The following GRM8 variants were observed in gnomAD, a reference collection of about 807,000 sequenced individuals.
GRM8 encodes the protein metabotropic glutamate receptor 8.
GRM8 carries 47 observed loss-of-function variants against 87.2 expected under a neutral mutation model. The observed-to-expected ratio is 0.54, with a 90% CI of 0.43 to 0.69. The LOEUF (loss-of-function observed/expected upper bound fraction) is 0.69. Ranked by LOEUF, GRM8 falls within the 30% of genes least tolerant of loss-of-function variation. The pLI, the probability that GRM8 is intolerant of heterozygous loss-of-function variation, is 0.00. For missense variants in GRM8, 1,019 were observed against 1,139.2 expected, an observed-to-expected ratio of 0.89 and a Z score of 1.52; for synonymous variants, 396 against 404.5, an observed-to-expected ratio of 0.98 and a Z score of 0.25.
intron 7 of GRM8, among the ~76,000 whole-genome samples, chr7:126,656,748 C>A (rs1382012556): frequency 6.7e-6 from 1 of 150,214 alleles, no homozygotes; most frequent in Non-Finnish European, 1.5e-5. Flanking sequence ...AACAGTTGGA[C>A]AGAGAGGGGT....
intron 8 of GRM8, among the ~76,000 whole-genome samples, chr7:126,576,851 C>G (rs566918019): frequency 4.8e-4 from 73 of 152,254 alleles, no homozygotes; most frequent in African/African-American, 1.7e-3. Context: ...AATTATAAAC[C>G]AGACTTACAC....
intron 9 of GRM8, among the ~76,000 whole-genome samples, chr7:126,498,076 T>A (rs536021002): frequency 6.6e-6 from 1 of 152,044 alleles, no homozygotes; most frequent in South Asian, 2.1e-4. Context: ...CTTAAGGAAC[T>A]CAGACACAAG....
intron 3 of GRM8, among the ~76,000 whole-genome samples, chr7:126,925,560 T>C (rs574684583): frequency 5.9e-5 from 9 of 152,336 alleles, no homozygotes; most frequent in African/African-American, 1.7e-4. Context: ...ATATTGTCCA[T>C]ATTCCTATCA....
intron 6 of GRM8, among the ~76,000 whole-genome samples, chr7:126,878,042 C>A (rs1443495697): frequency 6.6e-6 from 1 of 152,070 alleles, no homozygotes; most frequent in Non-Finnish European, 1.5e-5. Context: ...GAGTGATGAG[C>A]CCTGAATTAC....
chr7:126,745,606 C>G (rs1357904644), intron 7 of GRM8, among the ~76,000 whole-genome samples: 1 of 151,244 alleles, frequency 6.6e-6, no homozygotes, highest in Non-Finnish European at 1.5e-5. Context: ...GGTTTTTTTC[C>G]CCCTAATATT....
At chr7:126,911,662 G>A (rs1182084580) in intron 3 of GRM8, among the ~76,000 whole-genome samples, 2 of 152,190 alleles carry the variant, frequency 1.3e-5, no homozygotes, top group African/African-American at 2.4e-5. Context: ...CTGATGCAGG[G>A]CTCAGGGGAA....
intron 9 of GRM8, among the ~76,000 whole-genome samples, chr7:126,460,065 C>A (rs1314525749): frequency 6.6e-6 from 1 of 151,540 alleles, no homozygotes; most frequent in Non-Finnish European, 1.5e-5. Flanking sequence ...AGTGCTAGGA[C>A]TGGAGCCTCC....
At chr7:127,111,363 T>C (rs978306245) in intron 2 of GRM8, among the ~76,000 whole-genome samples, 1 of 152,222 alleles carries the variant, frequency 6.6e-6, no homozygotes, top group African/African-American at 2.4e-5. Flanking sequence ...GCAGAGATTA[T>C]TGTCTTCTAG....
intron 7 of GRM8, among the ~76,000 whole-genome samples, chr7:126,769,338 T>A (rs75233524): frequency 6.6e-6 from 1 of 152,046 alleles, no homozygotes; most frequent in Admixed American, 6.6e-5. Flanking sequence ...CCTGCCTACA[T>A]TGTGTGCATC....
intron 1 of GRM8, among the ~76,000 whole-genome samples, chr7:127,243,848 G>GT (rs5887332): frequency 0.16 from 22,503 of 140,758 alleles, 1,790 homozygotes; most frequent in Admixed American, 0.17. Context: ...TTTCAAATCT[G>GT]TTTTTTTTTT....
chr7:127,224,068 G>A (rs969966720), intron 2 of GRM8, among the ~76,000 whole-genome samples: 2 of 151,980 alleles, frequency 1.3e-5, no homozygotes, highest in African/African-American at 2.4e-5. Context: ...CCTCAGAGAC[G>A]TGTTGAACTA....
chr7:126,688,834 C>A (rs1808464425), intron 7 of GRM8, among the ~76,000 whole-genome samples: 1 of 151,990 alleles, frequency 6.6e-6, no homozygotes, highest in African/African-American at 2.4e-5. Flanking sequence ...TGCTTTCTCT[C>A]AGTTCCCTGG....
chr7:127,068,055 A>G (rs565343046), intron 3 of GRM8, among the ~76,000 whole-genome samples: 3 of 152,288 alleles, frequency 2.0e-5, no homozygotes, highest in South Asian at 4.1e-4. Flanking sequence ...TAAACAATAA[A>G]TAAATAATTT....
At chr7:127,087,229 C>T (rs1190459370) in intron 3 of GRM8, among the ~76,000 whole-genome samples, 3 of 152,316 alleles carry the variant, frequency 2.0e-5, no homozygotes, top group East Asian at 3.9e-4. Context: ...TAGAGCAACA[C>T]CAAGCTGTGG....
At chr7:126,561,878 T>C in intron 8 of GRM8, among the ~76,000 whole-genome samples, 1 of 66,008 alleles carries the variant, frequency 1.5e-5, no homozygotes, top group East Asian at 1.7e-3. Flanking sequence ...CATGCGGTGT[T>C]TGGTTTTTTT....
chr7:126,621,458 CT>C (rs1202819633), intron 7 of GRM8, among the ~76,000 whole-genome samples: 1 of 152,066 alleles, frequency 6.6e-6, no homozygotes, highest in African/African-American at 2.4e-5. Flanking sequence ...TGTCTCTGTC[CT>C]CCAGGCTGGA....
intron 9 of GRM8, among the ~76,000 whole-genome samples, chr7:126,516,778 A>T (rs1812231179): frequency 6.6e-6 from 1 of 152,138 alleles, no homozygotes; most frequent in Non-Finnish European, 1.5e-5. Flanking sequence ...ACTTGTATAT[A>T]TCTTACTTTA....
chr7:127,022,655 A>G (rs1310651394), intron 3 of GRM8, among the ~76,000 whole-genome samples: 2 of 152,148 alleles, frequency 1.3e-5, no homozygotes, highest in African/African-American at 4.8e-5. Context: ...CAGGAAAGAA[A>G]GACATCAGAG....
Position 127,243,067 on chromosome 7 carries a change from A to G in GRM8, c.138T>C (p.Ile46=). ...YAHSIRVDGD[I]ILGGLFPVHA... is the part of the protein sequence containing the mutation. ...GGACAGGGAAGAGACCCCCCAAAAT[A>G]ATGTCCCCATCCACCCGTATGGAAT... The change falls in exon 2 of 11, where the codon ATT becomes ATC. Residue 46 remains isoleucine, a synonymous_variant. Coordinates refer to ENST00000339582, the MANE Select transcript of GRM8 (RefSeq NM_000845.3). 1 of 1,613,884 alleles carries G rather than the reference A, an allele frequency of 6.2e-7. No individual in the cohort carries two copies. The highest frequency in any genetic ancestry group is 8.5e-7 in the Non-Finnish European group (1 of 1,179,972).
Sources: gnomAD v4.1 joint callset for allele counts (sites outside exome capture counted in the v4.1 genomes callset) on GRCh38, gnomAD v4.1.1 for gene constraint, MANE v1.5 for transcripts, NCBI Gene and HGNC (gene_info 2026-07-23, HGNC 2026-07-21) for gene names.